The following LOC112694756 variants were observed in gnomAD, a reference collection of about 807,000 sequenced individuals.
chr16:30,056,750 G>A, the LOC112694756 span, among the ~76,000 whole-genome samples: 1 of 151,880 alleles, frequency 6.6e-6, no homozygotes, highest in Non-Finnish European at 1.5e-5. Context: ...ATAGGTGCAT[G>A]CCACCACACC....
chr16:30,059,268 C>T, the LOC112694756 span, among the ~76,000 whole-genome samples: 3 of 151,888 alleles, frequency 2.0e-5, no homozygotes, highest in African/African-American at 7.3e-5. Context: ...GAGGCCAAGG[C>T]GGGCAGATCA....
the LOC112694756 span, chr16:30,064,435 A>C: frequency 7.5e-6 from 3 of 398,552 alleles, no homozygotes; most frequent in Admixed American, 8.8e-5. Flanking sequence ...TCCCTGGCCA[A>C]AGATTTATTT....
the LOC112694756 span, chr16:30,058,898 G>A: frequency 2.5e-6 from 1 of 398,068 alleles, no homozygotes; most frequent in Non-Finnish European, 4.4e-6. Context: ...AGGGCCTTGG[G>A]GACTCAGCAG....
the LOC112694756 span, among the ~76,000 whole-genome samples, chr16:30,056,176 C>T: frequency 7.4e-6 from 1 of 135,106 alleles, no homozygotes; most frequent in South Asian, 2.5e-4. Context: ...GTGGTGTAAT[C>T]TCAGCTCACT....
At chr16:30,054,117 C>A in the LOC112694756 span, among the ~76,000 whole-genome samples, 1 of 152,018 alleles carries the variant, frequency 6.6e-6, no homozygotes, top group Admixed American at 6.6e-5. Flanking sequence ...ATCAGGAGTT[C>A]AAGACCAGCC....
chr16:30,055,147 C>G, the LOC112694756 span: 4 of 399,012 alleles, frequency 1.0e-5, no homozygotes, highest in African/African-American at 6.2e-5. Context: ...GCTGCCTATT[C>G]CACATCCTGA....
the LOC112694756 span, chr16:30,054,983 A>G: frequency 2.5e-6 from 1 of 397,850 alleles, no homozygotes; most frequent in Non-Finnish European, 4.4e-6. Context: ...AATCCCGGTA[A>G]CCTGTCCCTT....
At chr16:30,063,636 A>T in the LOC112694756 span, 14 of 398,408 alleles carry the variant, frequency 3.5e-5, no homozygotes, top group Non-Finnish European at 5.7e-5. Context: ...TGGGCAAGTG[A>T]GATTTCCCAG....
chr16:30,069,238 C>T, the LOC112694756 span: 1 of 1,539,026 alleles, frequency 6.5e-7, no homozygotes, highest in South Asian at 1.1e-5. Context: ...TGACCAGTGG[C>T]TGTGGAGAGA....
chr16:30,067,809 T>C, the LOC112694756 span: 3 of 858,132 alleles, frequency 3.5e-6, no homozygotes, highest in African/African-American at 5.0e-5. Flanking sequence ...TCGACATTTT[T>C]AATCCTCACA....
the LOC112694756 span, chr16:30,064,384 C>T: frequency 2.5e-6 from 1 of 398,688 alleles, no homozygotes. Context: ...GGCAGGGAGG[C>T]CACGTGATCC....
chr16:30,054,897 T>C, the LOC112694756 span: 1 of 399,020 alleles, frequency 2.5e-6, no homozygotes, highest in Non-Finnish European at 4.4e-6. Flanking sequence ...TGCTGCTGGG[T>C]CTAGTCCTGC....
chr16:30,069,467 C>CCACT, the LOC112694756 span: 1 of 1,614,058 alleles, frequency 6.2e-7, no homozygotes, highest in South Asian at 1.1e-5. Context: ...CTCCTCCACC[C>CCACT]CACTACCCAC....
At chr16:30,066,559 C>T in the LOC112694756 span, among the ~76,000 whole-genome samples, 4 of 152,238 alleles carry the variant, frequency 2.6e-5, no homozygotes, top group Non-Finnish European at 5.9e-5. Context: ...CCGCCCTTTC[C>T]TGGGCTTCTC....
chr16:30,065,460 A>G, the LOC112694756 span, among the ~76,000 whole-genome samples: 1 of 151,928 alleles, frequency 6.6e-6, no homozygotes, highest in Admixed American at 6.5e-5. Context: ...GCCCTCCCCC[A>G]TTGCCAACAT....
chr16:30,070,157 G>A, the LOC112694756 span: 1 of 1,614,032 alleles, frequency 6.2e-7, no homozygotes, highest in East Asian at 2.2e-5. Flanking sequence ...ACTCCGAGCG[G>A]TCAGGCTGGG....
At chr16:30,056,520 A>G in the LOC112694756 span, among the ~76,000 whole-genome samples, 2 of 152,184 alleles carry the variant, frequency 1.3e-5, no homozygotes, top group East Asian at 1.9e-4. Flanking sequence ...ATACAGTACT[A>G]TCACTGCTGT....
the LOC112694756 span, chr16:30,066,928 T>C: frequency 6.4e-7 from 1 of 1,550,740 alleles, no homozygotes. Context: ...AGGGTCCAGC[T>C]TCAACATGAC....
At chr16:30,054,680 G>C in the LOC112694756 span, 1 of 398,296 alleles carries the variant, frequency 2.5e-6, no homozygotes, top group South Asian at 1.4e-4. Context: ...CCACCATCTG[G>C]TGGCCGTTCC....
Sources: gnomAD v4.1 joint callset for allele counts (sites outside exome capture counted in the v4.1 genomes callset) on GRCh38, gnomAD v4.1.1 for gene constraint, MANE v1.5 for transcripts.